The following ARMC6 variants were observed in gnomAD, a reference collection of about 807,000 sequenced individuals.
ARMC6 encodes armadillo repeat containing 6, also known as armadillo repeat-containing protein 6.
ARMC6 carries 43 observed loss-of-function variants against 49.2 expected under a neutral mutation model. The ratio of observed to expected loss-of-function variants is 0.87; its 90% confidence interval spans 0.69 to 1.13. The LOEUF is 1.13. ARMC6 is among the 50% of genes most tolerant of loss of function. The probability of loss-of-function intolerance (pLI) is 0.00; values close to 1 mark genes in which losing one functional copy is unlikely to be tolerated. For synonymous variants in ARMC6, 262 were observed against 289.6 expected, an observed-to-expected ratio of 0.90 and a Z score of 0.97; for missense variants, 627 against 682.0, an observed-to-expected ratio of 0.92 and a Z score of 0.90.
chr19:19,043,768 T>G (rs893969742), intron 3 of ARMC6, among the ~76,000 whole-genome samples: 1 of 152,112 alleles, frequency 6.6e-6, no homozygotes, highest in Non-Finnish European at 1.5e-5. Flanking sequence ...ACGGCCTCAC[T>G]ACCACTCTGC....
intron 2 of ARMC6, chr19:19,040,668 TGCAACA>T: frequency 8.8e-6 from 3 of 340,190 alleles, no homozygotes; most frequent in South Asian, 4.1e-5. Context: ...TTTTTTTTTT[TGCAACA>T]TCGTCTGACT....
intron 2 of ARMC6, among the ~76,000 whole-genome samples, chr19:19,042,333 C>T (rs1367492666): frequency 2.0e-5 from 3 of 152,138 alleles, no homozygotes; most frequent in East Asian, 3.9e-4. Context: ...GTAGTAAACT[C>T]TGTGTTCTCT....
chr19:19,051,369 CTCTCTCTG>C (rs1229643490), intron 4 of ARMC6, among the ~76,000 whole-genome samples: 8 of 129,322 alleles, frequency 6.2e-5, no homozygotes, highest in African/African-American at 2.7e-4. Context: ...ATCTCTCTCT[CTCTCTCTG>C]TGTGTGTGTG....
In ARMC6 at chr19:19,033,880, C is replaced by CTGGG; in HGVS notation, c.-127_-124dup. ...GCCGGAAGGGGCTAGAGGCGGCTCC[C>CTGGG]TGGGTGACAACCGCGCGCCCCACCT... On this transcript the variant is annotated 5_prime_UTR_variant, in exon 1 of 9. Coordinates refer to ENST00000535612, the MANE Select transcript of ARMC6 (RefSeq NM_001199196.2). 2.7e-6 allele frequency: 1 copy of CTGGG among 376,312 alleles called. No individual in the cohort carries two copies. The highest frequency in any genetic ancestry group is 4.8e-6 in the Non-Finnish European group (1 of 206,382). 23.3% of individuals were successfully genotyped at this position (376,312 alleles called of 1,614,324 possible).
chr19:19,055,410 G>A lies in ARMC6; in HGVS notation c.1155+14G>A. ...ACCAGCCCCCAGGTACCCACCTCGG[G>A]GGGCACACACAGTAGCAGGGTGGTG... On this transcript the variant is annotated intron_variant, in intron 7 of 8. Coordinates refer to ENST00000535612, the MANE Select transcript of ARMC6 (RefSeq NM_001199196.2). The surrounding 1 kb of genome is among the most constrained non-coding windows in gnomAD (Gnocchi z 5.7). 6.3e-7 allele frequency: 1 copy of A among 1,591,650 alleles called. No individual in the cohort carries two copies. Among genetic ancestry groups the A allele is most frequent in the South Asian group, 1.1e-5 (1 of 87,936 alleles).
chr19:19,047,379 A>G (rs941143119), intron 4 of ARMC6, among the ~76,000 whole-genome samples: 1 of 152,280 alleles, frequency 6.6e-6, no homozygotes, highest in Non-Finnish European at 1.5e-5. Context: ...AAAAAATTCA[A>G]CATTGTGATG....
intron 2 of ARMC6, among the ~76,000 whole-genome samples, chr19:19,039,164 T>C (rs2059393188): frequency 6.6e-6 from 1 of 151,936 alleles, no homozygotes; most frequent in South Asian, 2.1e-4. Flanking sequence ...AGACATGGTC[T>C]CCCTCTGTCA....
intron 4 of ARMC6, among the ~76,000 whole-genome samples, chr19:19,050,419 T>C (rs1223594593): frequency 6.6e-6 from 1 of 152,238 alleles, no homozygotes; most frequent in African/African-American, 2.4e-5. Context: ...GCTCCGTATG[T>C]TGCCCAGGCG....
chr19:19,043,827 C>A (rs909761829), intron 3 of ARMC6, among the ~76,000 whole-genome samples, 165 bp from the exon 4 acceptor site: 9 of 152,138 alleles, frequency 5.9e-5, no homozygotes, highest in Non-Finnish European at 1.0e-4. Flanking sequence ...ACCCTCTACA[C>A]CCCCGTGATG....
intron 4 of ARMC6, among the ~76,000 whole-genome samples, chr19:19,045,893 C>T (rs1367021621): frequency 6.6e-6 from 1 of 152,098 alleles, no homozygotes; most frequent in Non-Finnish European, 1.5e-5. Context: ...CCTCGTGATC[C>T]GTCTGCCTCG....
chr19:19,042,201 A>G (rs1421621834), intron 2 of ARMC6, among the ~76,000 whole-genome samples: 2 of 152,206 alleles, frequency 1.3e-5, no homozygotes, highest in Non-Finnish European at 2.9e-5. Context: ...CCCAGCCAGA[A>G]TCTTTTTTCT....
Position 19,057,766 on chromosome 19 carries a change from G to T in ARMC6, c.*138G>T. The T allele has an allele frequency of 1.0e-6, 1 of 964,572 alleles. No homozygotes were observed. 59.8% of individuals were successfully genotyped at this position (964,572 alleles called of 1,614,324 possible). On this transcript the variant is annotated 3_prime_UTR_variant, in exon 9 of 9. Transcript: ENST00000535612. ...TGTTTTCTGGCAGGCCCTAGGTAAA[G>T]GGTCGGGGGAGGGGGGAGCCTTGTA...
rs143510366 is a variant in ARMC6, at chr19:19,044,844, C to T, written c.279+770C>T. Among the ~76,000 whole-genome samples, 480 of 152,294 alleles carry T rather than the reference C, an allele frequency of 3.2e-3. 1 individual carries two copies. Among genetic ancestry groups the T allele is most frequent in the African/African-American group, 9.9e-3 (413 of 41,560 alleles). ...TGATAGGAGAGGAAGTTGGAAGAGA[C>T]GGCTCTGGGTGTAAACCCGGCTTGC... is the stretch of plus-strand genomic sequence containing the variant. On this transcript the variant is annotated intron_variant, in intron 4 of 8. Transcript: ENST00000535612.
intron 5 of ARMC6, 138 bp downstream of exon 5, chr19:19,052,333 C>A: frequency 1.3e-6 from 1 of 775,598 alleles, no homozygotes; most frequent in Non-Finnish European, 2.0e-6. Flanking sequence ...GACCTGCCTG[C>A]ATGGCAGCCC....
At position 19,055,415 on chromosome 19, in the gene ARMC6, A is replaced by T; in HGVS notation, c.1155+19A>T. On this transcript the variant is annotated intron_variant, in intron 7 of 8. Coordinates refer to ENST00000535612, the MANE Select transcript of ARMC6 (RefSeq NM_001199196.2). The surrounding 1 kb of genome is among the most constrained non-coding windows in gnomAD (Gnocchi z 5.7). ...CCCCCAGGTACCCACCTCGGGGGGC[A>T]CACACAGTAGCAGGGTGGTGGCTGG... The T allele has an allele frequency of 6.3e-7, 1 of 1,586,598 alleles. No individual in the cohort carries two copies. Among genetic ancestry groups the T allele is most frequent in the Non-Finnish European group, 8.6e-7 (1 of 1,167,398 alleles).
In ARMC6 at chr19:19,055,289, A is replaced by G; in HGVS notation, c.1048A>G (p.Thr350Ala). 1 of 1,609,626 alleles carries G rather than the reference A, an allele frequency of 6.2e-7. No individual in the cohort carries two copies. The highest frequency in any genetic ancestry group is 1.7e-5 in the Admixed American group (1 of 59,490). Reference sequence around the variant, plus strand: ...GGAGCTCGTGAAGCAAGTGCTGAGCACCCTGCGAGCCATCGCAGGCAACGA... The same window carrying G: ...GGAGCTCGTGAAGCAAGTGCTGAGCGCCCTGCGAGCCATCGCAGGCAACGA... ...VQELVKQVLSTLRAIAGNDDV... is the reference protein window; with the variant it reads ...VQELVKQVLSALRAIAGNDDV... The change falls in exon 7 of 9, where the codon ACC (threonine) becomes GCC (alanine). Residue 350 changes from threonine (T) to alanine (A), a missense_variant. By Grantham distance (58) the Thr-to-Ala change is moderately conservative. Transcript: ENST00000535612. This position sits in a 1 kb window ranked among gnomAD's most constrained non-coding sequence, Gnocchi z 5.7.
At chr19:19,035,252 C>T (rs922448762) in intron 2 of ARMC6, among the ~76,000 whole-genome samples, 4 of 152,106 alleles carry the variant, frequency 2.6e-5, no homozygotes, top group Non-Finnish European at 4.4e-5. Flanking sequence ...GTGATCTACC[C>T]GCCTCAGACT....
At chr19:19,047,741 A>C (rs1264382327) in intron 4 of ARMC6, among the ~76,000 whole-genome samples, 1 of 152,238 alleles carries the variant, frequency 6.6e-6, no homozygotes, top group Non-Finnish European at 1.5e-5. Flanking sequence ...CCAAAGGCCC[A>C]TGACACAGCC....
intron 2 of ARMC6, among the ~76,000 whole-genome samples, chr19:19,036,111 G>A (rs2059365153): frequency 6.6e-6 from 1 of 152,124 alleles, no homozygotes; most frequent in Admixed American, 6.6e-5. Flanking sequence ...GCCCAGGCTG[G>A]AGTGCAATGG....
Sources: gnomAD v4.1 joint callset for allele counts (sites outside exome capture counted in the v4.1 genomes callset) on GRCh38, gnomAD v4.1.1 for gene constraint, Gnocchi (gnomAD v3.1) non-coding constraint, MANE v1.5 for transcripts, NCBI Gene and HGNC (gene_info 2026-07-23, HGNC 2026-07-21) for gene names.